The following RBFOX1 variants were observed in gnomAD, a reference collection of about 807,000 sequenced individuals.
The protein encoded by RBFOX1 is RNA binding protein fox-1 homolog 1.
RBFOX1 carries 8 observed loss-of-function variants against 57.7 expected under a neutral mutation model. The ratio of observed to expected loss-of-function variants is 0.14; its 90% CI spans 0.08 to 0.25. The LOEUF is 0.25. Among genes scored for constraint, RBFOX1 ranks in the 10% least tolerant of loss-of-function variants. The pLI is 1.00. For synonymous variants in RBFOX1, 326 were observed against 222.4 expected (o/e 1.47, Z -4.15); for missense variants, 611 against 548.5 (o/e 1.11, Z -1.14).
chr16:6,835,752 T>TA lies in RBFOX1; in HGVS notation c.-16+181131dup, dbSNP rs56299805. On this transcript the variant is annotated intron_variant, in intron 3 of 15. Transcript: ENST00000550418. Reference sequence around the variant, plus strand: ...CTGGGTGATAGAGTAAGACTCTGCTTAAAAAAAAAAAAAAAAAAAAAAAAA... The same window carrying TA: ...CTGGGTGATAGAGTAAGACTCTGCTTAAAAAAAAAAAAAAAAAAAAAAAAAA... Among the ~76,000 whole-genome samples the TA allele has an allele frequency of 4.4e-3, 342 of 76,968 alleles. 9 individuals carry two copies. Among genetic ancestry groups the TA allele is most frequent in the African/African-American group, 0.015 (286 of 19,398 alleles). 50.5% of individuals were successfully genotyped at this position (76,968 alleles called of 152,430 possible). A position where few individuals can be genotyped will look rare whatever the true frequency, so the allele number is the denominator to read the frequency against.
chr16:7,036,493 A>C (rs141901112), intron 3 of RBFOX1, among the ~76,000 whole-genome samples: 3 of 151,852 alleles, frequency 2.0e-5, no homozygotes, highest in African/African-American at 7.3e-5. Flanking sequence ...GGCGGATTAC[A>C]AGGGCAGGAG....
chr16:6,964,267 C>T lies in RBFOX1; in HGVS notation c.-15-87790C>T, dbSNP rs182296534. On this transcript the variant is annotated intron_variant, in intron 3 of 15. Transcript: ENST00000550418. ...CTGCTGATCTCAAGTGATGCACCCC[C>T]CTCGACCTCCCAAAGTGGTGGGATT... Among the ~76,000 whole-genome samples the T allele has an allele frequency of 2.3e-4, 35 of 152,224 alleles. No individual in the cohort carries two copies. In the East Asian group the frequency reaches 5.8e-3, roughly 25 times the overall value.
chr16:5,599,336 G>C (rs2047291105), exon 3 of RBFOX1: 2 of 614,136 alleles, frequency 3.3e-6, no homozygotes, highest in Non-Finnish European at 5.8e-6. Context: ...TCATTGGGTT[G>C]TCTTCCTAGT....
At chr16:5,617,837 G>C (rs1398169401) in intron 3 of RBFOX1, among the ~76,000 whole-genome samples, 1 of 152,166 alleles carries the variant, frequency 6.6e-6, no homozygotes, top group Non-Finnish European at 1.5e-5. Context: ...GATGATGAGA[G>C]TGTCTCTCCT....
At chr16:6,455,487 C>T (rs1002840640) in intron 2 of RBFOX1, among the ~76,000 whole-genome samples, 2 of 152,194 alleles carry the variant, frequency 1.3e-5, no homozygotes, top group African/African-American at 4.8e-5. Flanking sequence ...ATGTAAACAG[C>T]AGCTATCTCT....
chr16:5,244,427 G>A (rs2062244609), intron 1 of RBFOX1, among the ~76,000 whole-genome samples: 1 of 152,192 alleles, frequency 6.6e-6, no homozygotes, highest in East Asian at 1.9e-4. Flanking sequence ...CCAGGAGGCA[G>A]GGATGTGGGC....
At chr16:6,496,208 T>G (rs922471691) in intron 2 of RBFOX1, among the ~76,000 whole-genome samples, 1 of 152,214 alleles carries the variant, frequency 6.6e-6, no homozygotes, top group African/African-American at 2.4e-5. Context: ...ACTTTTTTTT[T>G]CTATTGTCCT....
At chr16:5,926,953 G>A (rs1188894319) in intron 4 of RBFOX1, among the ~76,000 whole-genome samples, 4 of 152,232 alleles carry the variant, frequency 2.6e-5, no homozygotes, top group African/African-American at 7.2e-5. Context: ...ATGTGAATGC[G>A]TGCATTCACT....
At chr16:6,671,662 C>G (rs997389561) in intron 3 of RBFOX1, among the ~76,000 whole-genome samples, 1 of 152,168 alleles carries the variant, frequency 6.6e-6, no homozygotes, top group African/African-American at 2.4e-5. Context: ...ATCATTCTTA[C>G]GCCTTTGCAT....
chr16:6,691,986 T>G (rs2060270718), intron 3 of RBFOX1, among the ~76,000 whole-genome samples: 1 of 152,116 alleles, frequency 6.6e-6, no homozygotes, highest in African/African-American at 2.4e-5. Context: ...GGGACATGGA[T>G]TTTTCCCCTA....
chr16:6,006,913 C>T (rs1024359816), intron 4 of RBFOX1, among the ~76,000 whole-genome samples: 2 of 152,192 alleles, frequency 1.3e-5, no homozygotes, highest in South Asian at 2.1e-4. Flanking sequence ...TCCGCCTTCT[C>T]TCCCCATATT....
chr16:6,043,120 G>GAAAAAAAAAAAAAAAA lies in RBFOX1; in HGVS notation c.-127+23155_-127+23170dup, dbSNP rs570358262. Among the ~76,000 whole-genome samples the GAAAAAAAAAAAAAAAA allele has an allele frequency of 5.3e-4, 37 of 70,230 alleles. 1 individual carries two copies. The highest frequency in any genetic ancestry group is 6.8e-4 in the Non-Finnish European group (26 of 38,232). The allele number at this position is 70,230 out of a possible 152,430, so 46.1% of individuals were successfully genotyped here. A position where few individuals can be genotyped will look rare whatever the true frequency, so the allele number is the denominator to read the frequency against. ...GCGACAGAGCAAGATTGTGTTTCCA[G>GAAAAAAAAAAAAAAAA]AAAAAAAAAAAAAAAAAAAAAAAAA... On this transcript the variant is annotated intron_variant, in intron 1 of 15. Coordinates refer to ENST00000550418, the MANE Select transcript of RBFOX1 (RefSeq NM_018723.4).
chr16:7,064,507 A>C (rs932435830), intron 4 of RBFOX1, among the ~76,000 whole-genome samples: 5 of 151,980 alleles, frequency 3.3e-5, no homozygotes, highest in Non-Finnish European at 7.4e-5. Flanking sequence ...TAGGACATAG[A>C]CACGCACAAA....
intron 2 of RBFOX1, among the ~76,000 whole-genome samples, chr16:6,368,220 G>GA (rs2152886185): frequency 1.3e-5 from 2 of 152,204 alleles, no homozygotes; most frequent in Admixed American, 1.3e-4. Flanking sequence ...GAAAAATATT[G>GA]AAAATATCTC....
intron 4 of RBFOX1, among the ~76,000 whole-genome samples, chr16:7,259,658 A>C (rs1366982922): frequency 2.0e-5 from 3 of 152,150 alleles, no homozygotes; most frequent in African/African-American, 7.2e-5. Context: ...TAGCTTTTGA[A>C]ATTTTATCAC....
chr16:7,124,404 A>G (rs1312464715), intron 4 of RBFOX1, among the ~76,000 whole-genome samples: 1 of 151,524 alleles, frequency 6.6e-6, no homozygotes, highest in Admixed American at 6.6e-5. Context: ...ACAGAATGAA[A>G]CTCTGTCATA....
intron 3 of RBFOX1, among the ~76,000 whole-genome samples, chr16:6,871,038 C>T (rs150768437): frequency 3.5e-4 from 54 of 152,316 alleles, no homozygotes; most frequent in African/African-American, 1.2e-3. Flanking sequence ...CAAATGAAGT[C>T]ATAAATGCGT....
At chr16:7,059,686 A>C (rs1043544205) in intron 4 of RBFOX1, among the ~76,000 whole-genome samples, 1 of 152,184 alleles carries the variant, frequency 6.6e-6, no homozygotes, top group East Asian at 1.9e-4. Flanking sequence ...ATCTCTTTAT[A>C]AAGCATATTG....
At position 6,789,049 on chromosome 16, in the gene RBFOX1, C is replaced by T. The variant is rs577212259; in HGVS notation, c.-16+134399C>T. Among the ~76,000 whole-genome samples the T allele has an allele frequency of 5.9e-5, 9 of 152,218 alleles. No individual in the cohort carries two copies. In the East Asian group the frequency reaches 7.7e-4, roughly 13 times the overall value. ...AGATGGTTCTCCTGCTGTATAGAAA[C>T]ATGGATGTCGCGAAATTGCCTATTA... On this transcript the variant is annotated intron_variant, in intron 3 of 15. Coordinates refer to ENST00000550418, the MANE Select transcript of RBFOX1 (RefSeq NM_018723.4).
Sources: gnomAD v4.1 joint callset for allele counts (sites outside exome capture counted in the v4.1 genomes callset) on GRCh38, gnomAD v4.1.1 for gene constraint, MANE v1.5 for transcripts, NCBI Gene and HGNC (gene_info 2026-07-23, HGNC 2026-07-21) for gene names.